Variants in RIMBP2 observed in about 807,000 individuals in gnomAD.
RIMBP2 encodes RIMS binding protein 2.
Under a neutral mutation model 118.6 loss-of-function variants are expected in RIMBP2, and 48 were observed. The observed-to-expected ratio is 0.40, with a 90% CI of 0.32 to 0.51. RIMBP2 has a LOEUF of 0.51. RIMBP2 is among the 20% of genes least tolerant of loss of function. The pLI is 0.41. For synonymous variants in RIMBP2, 762 were observed against 742.9 expected (o/e 1.03, Z -0.42); for missense variants, 1,551 against 1,768.3 (o/e 0.88, Z 2.20).
chr12:130,406,711 A>ACTG (rs2075209030), intron 20 of RIMBP2, among the ~76,000 whole-genome samples: 1 of 151,960 alleles, frequency 6.6e-6, no homozygotes, highest in Non-Finnish European at 1.5e-5. Flanking sequence ...CAGCAGTGCA[A>ACTG]CCTCGGCCCA....
chr12:130,563,743 C>T (rs7302274), intron 2 of RIMBP2, among the ~76,000 whole-genome samples: 7,350 of 152,278 alleles, frequency 0.048, 365 homozygotes, highest in East Asian at 0.16. Context: ...AGTGGGTTCA[C>T]AGGTACTCTC....
chr12:130,656,517 A>G (rs1447056642), intron 1 of RIMBP2, among the ~76,000 whole-genome samples: 1 of 152,138 alleles, frequency 6.6e-6, no homozygotes, highest in Non-Finnish European at 1.5e-5. Flanking sequence ...GGAGGCTGGA[A>G]GTCTGAGATC....
intron 2 of RIMBP2, among the ~76,000 whole-genome samples, chr12:130,551,552 C>T (rs1021214514): frequency 1.3e-4 from 20 of 151,854 alleles, no homozygotes; most frequent in Non-Finnish European, 2.5e-4. Flanking sequence ...TCTTAGATTT[C>T]TTTTTTTTCT....
At chr12:130,489,566 T>C (rs2138392342) in intron 4 of RIMBP2, among the ~76,000 whole-genome samples, 1 of 152,266 alleles carries the variant, frequency 6.6e-6, no homozygotes, top group African/African-American at 2.4e-5. Flanking sequence ...CTCCGTCTCC[T>C]GTAGAGGCTC....
intron 2 of RIMBP2, among the ~76,000 whole-genome samples, chr12:130,568,267 G>A (rs1432237554): frequency 6.6e-6 from 1 of 152,180 alleles, no homozygotes; most frequent in African/African-American, 2.4e-5. Context: ...TCAGCACGGG[G>A]GTGTGGGGGT....
At chr12:130,535,104 C>T (rs1420874409) in intron 2 of RIMBP2, among the ~76,000 whole-genome samples, 1 of 152,192 alleles carries the variant, frequency 6.6e-6, no homozygotes, top group Non-Finnish European at 1.5e-5. Context: ...CGCTGGCCGG[C>T]TCCCTCAGCA....
chr12:130,581,100 C>A lies in RIMBP2; in HGVS notation c.-217+47222G>T, dbSNP rs1364304781. Among the ~76,000 whole-genome samples, 3 of 152,236 alleles carry A rather than the reference C, an allele frequency of 2.0e-5. No homozygotes were observed. The highest frequency in any genetic ancestry group is 4.4e-5 in the Non-Finnish European group (3 of 68,042). On this transcript the variant is annotated intron_variant, in intron 2 of 22. Transcript: ENST00000690449. This position sits in a 1 kb window ranked among gnomAD's most constrained non-coding sequence, Gnocchi z 4.4. ...ATCCTGCCCTTCACCTGCTCATATT[C>A]ATGGGCCAGGCACTGGGGGTGATGG... is the stretch of plus-strand genomic sequence containing the variant.
chr12:130,526,957 C>T (rs941146351), intron 2 of RIMBP2, among the ~76,000 whole-genome samples: 12 of 152,008 alleles, frequency 7.9e-5, no homozygotes, highest in African/African-American at 2.7e-4. Context: ...GAGAGGGAGC[C>T]TGAACTAAGG....
At chr12:130,646,049 ACCTCCCTCACCACCTGCCTCT>A (rs2062869331) in intron 1 of RIMBP2, among the ~76,000 whole-genome samples, 5 of 129,090 alleles carry the variant, frequency 3.9e-5, no homozygotes, top group South Asian at 2.5e-4. Context: ...TTCCCTCTCC[ACCTCCCTCACCACCTGCCTCT>A]CCACCTCCCT....
In RIMBP2 at chr12:130,523,013, T is replaced by C. The variant is rs1275720851; in HGVS notation, c.-216-5096A>G. The stretch of plus-strand genomic sequence containing the variant: ...CGGTTTTAGTTTTTCTTTCTGCCTC[T>C]ATGTCTATCTCTCTGTTCATTTTTC... On this transcript the variant is annotated intron_variant, in intron 2 of 22. Coordinates refer to ENST00000690449, the MANE Select transcript of RIMBP2 (RefSeq NM_001393629.1). The surrounding 1 kb of genome is among the most constrained non-coding windows in gnomAD (Gnocchi z 4.4). Among the ~76,000 whole-genome samples the C allele has an allele frequency of 6.6e-6, 1 of 152,116 alleles. No homozygotes were observed. The highest frequency in any genetic ancestry group is 2.4e-5 in the African/African-American group (1 of 41,438).
At chr12:130,608,863 T>C (rs754873391) in intron 2 of RIMBP2, among the ~76,000 whole-genome samples, 21 of 152,178 alleles carry the variant, frequency 1.4e-4, no homozygotes, top group Non-Finnish European at 2.4e-4. Flanking sequence ...CAGCTTGCAG[T>C]GCAGTGGATC....
intron 2 of RIMBP2, among the ~76,000 whole-genome samples, chr12:130,527,134 G>A (rs2052885770): frequency 6.6e-6 from 1 of 152,216 alleles, no homozygotes; most frequent in Non-Finnish European, 1.5e-5. Flanking sequence ...ACCTGGGTTT[G>A]AAGCCTATCC....
At chr12:130,606,566 A>C (rs2060201218) in intron 2 of RIMBP2, among the ~76,000 whole-genome samples, 1 of 152,198 alleles carries the variant, frequency 6.6e-6, no homozygotes, top group African/African-American at 2.4e-5. Flanking sequence ...TATTCTGTGG[A>C]GTGTCTCTTG....
chr12:130,614,645 A>G (rs4445676), intron 2 of RIMBP2, among the ~76,000 whole-genome samples: 121,805 of 151,536 alleles, frequency 0.8, 49,084 homozygotes, highest in African/African-American at 0.86. Flanking sequence ...TTAGCATAGC[A>G]GTGACGGGGC....
intron 2 of RIMBP2, among the ~76,000 whole-genome samples, chr12:130,528,292 G>A (rs749665690): frequency 6.6e-6 from 1 of 152,194 alleles, no homozygotes; most frequent in Non-Finnish European, 1.5e-5. Flanking sequence ...CATGTCCTTT[G>A]CAGGGACATG....
chr12:130,506,879 C>G (rs1468236972), intron 3 of RIMBP2, 109 bp from the exon 4 acceptor site: 1 of 814,016 alleles, frequency 1.2e-6, no homozygotes, highest in Non-Finnish European at 1.5e-6. Flanking sequence ...CTAGAGAATC[C>G]TTCCCTCCCT....
chr12:130,668,474 A>C (rs1259885663), intron 1 of RIMBP2: 1 of 152,476 alleles, frequency 6.6e-6, no homozygotes, highest in Non-Finnish European at 1.5e-5. Flanking sequence ...CTGCGAGGGC[A>C]ATGGAGGCAG....
chr12:130,556,369 T>A (rs897939105), intron 2 of RIMBP2, among the ~76,000 whole-genome samples: 4 of 152,216 alleles, frequency 2.6e-5, no homozygotes, highest in Non-Finnish European at 5.9e-5. Flanking sequence ...ACTGTTTGCA[T>A]AATTTTTATC....
intron 2 of RIMBP2, among the ~76,000 whole-genome samples, chr12:130,549,965 T>A (rs2055576691): frequency 1.3e-5 from 2 of 152,180 alleles, no homozygotes; most frequent in African/African-American, 4.8e-5. Flanking sequence ...TAATCTACAC[T>A]CCCACTGAGA....
Sources: allele counts gnomAD v4.1 joint callset (sites outside exome capture counted in the v4.1 genomes callset), GRCh38; gene constraint gnomAD v4.1.1; non-coding constraint Gnocchi (gnomAD v3.1); transcripts MANE v1.5; gene names NCBI Gene and HGNC (gene_info 2026-07-23, HGNC 2026-07-21).